Variants in SEPTIN12 observed in about 807,000 individuals in gnomAD.
SEPTIN12 encodes septin 12.
A neutral mutation model predicts 37.7 loss-of-function variants in SEPTIN12; 42 were observed. The observed-to-expected ratio is 1.11, with a 90% CI of 0.87 to 1.44. SEPTIN12 has a LOEUF of 1.44. SEPTIN12 is among the 40% of genes most tolerant of loss of function. The pLI, the probability that SEPTIN12 is intolerant of heterozygous loss-of-function variation, is 0.00. For synonymous variants in SEPTIN12, 254 were observed against 196.7 expected (o/e 1.29, Z -2.44); for missense variants, 613 against 479.2 (o/e 1.28, Z -2.61).
At chr16:4,789,516 C>G (rs868557347), upstream of SEPTIN12, among the ~76,000 whole-genome samples, 12 of 151,998 alleles carry the variant, frequency 7.9e-5, no homozygotes, top group African/African-American at 2.9e-4. Context: ...TTAGTAGAGA[C>G]TGGTTTTCCC....
In SEPTIN12 at chr16:4,783,544, A is replaced by T; in HGVS notation, c.644T>A (p.Leu215Gln). The change falls in exon 7 of 10, where the codon CTG becomes CAG. Residue 215 changes from leucine (L) to glutamine (Q), a missense_variant. Physicochemically the swap from Leu to Gln is moderately radical, Grantham distance 113 (BLOSUM62 -2). Transcript: ENST00000268231. ...GTAGACGTCGATGCAGTGGGTCCTC[A>T]GGTTCTGCTGGATCTGGAGATCCCA... is the stretch of plus-strand genomic sequence containing the variant. The part of the protein sequence containing the change: ...EAFRRRIQQN[L>Q]RTHCIDVYPQ... 6.2e-7 allele frequency: 1 copy of T among 1,614,068 alleles called. No homozygotes were observed. Among genetic ancestry groups the T allele is most frequent in the Non-Finnish European group, 8.5e-7 (1 of 1,179,976 alleles).
At chr16:4,791,378 A>G (rs949721084), upstream of SEPTIN12, among the ~76,000 whole-genome samples, 1 of 152,244 alleles carries the variant, frequency 6.6e-6, no homozygotes, top group Non-Finnish European at 1.5e-5. Context: ...CACGGCGATA[A>G]TAGCACAGGG....
At chr16:4,786,564 C>T (rs150601240) in intron 2 of SEPTIN12, among the ~76,000 whole-genome samples, 2,338 of 151,802 alleles carry the variant, frequency 0.015, 55 homozygotes, top group African/African-American at 0.053. Context: ...ACCATGTTAG[C>T]CAGGATGGTC....
chr16:4,784,512 G>A (rs552415754), intron 4 of SEPTIN12, among the ~76,000 whole-genome samples: 8 of 151,176 alleles, frequency 5.3e-5, no homozygotes, highest in Non-Finnish European at 8.9e-5. Flanking sequence ...GCTCATGCCT[G>A]TAATCCCAGC....
intron 4 of SEPTIN12, among the ~76,000 whole-genome samples, chr16:4,784,497 C>G (rs1484892458): frequency 1.3e-5 from 2 of 148,502 alleles, no homozygotes; most frequent in Admixed American, 6.8e-5. Flanking sequence ...AGGCCAGGCC[C>G]GATGGCTCAT....
intron 4 of SEPTIN12, among the ~76,000 whole-genome samples, chr16:4,785,045 G>C (rs1163285623): frequency 6.6e-6 from 1 of 152,020 alleles, no homozygotes; most frequent in Non-Finnish European, 1.5e-5. Context: ...TCAGGAGTTT[G>C]AGACCAGCCT....
chr16:4,777,830 C>T lies in SEPTIN12; in HGVS notation c.1044G>A (p.Arg348=), dbSNP rs925339176. The change falls in exon 10 of 10, where the codon AGG becomes AGA. Residue 348 remains arginine, a synonymous_variant. Coordinates refer to ENST00000268231, the MANE Select transcript of SEPTIN12 (RefSeq NM_144605.5). ...CATCATCAGAATCGTCATGGGCCCC[C>T]CTGCAGACCTTGAAGGTCCGGGGGG... is the stretch of plus-strand genomic sequence containing the variant. ...LTTPRTFKVC[R]GAHDDSDDEF The T allele has an allele frequency of 6.3e-7, 1 of 1,585,770 alleles. No individual in the cohort carries two copies. The highest frequency in any genetic ancestry group is 8.6e-7 in the Non-Finnish European group (1 of 1,166,894).
chr16:4,787,832 G>A, intron 1 of SEPTIN12, 165 bp from the exon 2 acceptor site: 1 of 583,636 alleles, frequency 1.7e-6, no homozygotes, highest in Non-Finnish European at 3.1e-6. Context: ...GTGTGGCAAG[G>A]GTGCCTGTGG....
At position 4,784,021 on chromosome 16, in the gene SEPTIN12, A is replaced by T. The variant is rs775797856; in HGVS notation, c.422T>A (p.Leu141Gln). 2 of 1,614,176 alleles carry T rather than the reference A, an allele frequency of 1.2e-6. No individual in the cohort carries two copies. Among genetic ancestry groups the T allele is most frequent in the African/African-American group, 2.7e-5 (2 of 75,038 alleles). The change falls in exon 5 of 10, where the codon CTG becomes CAG. Residue 141 changes from leucine (L) to glutamine (Q), a missense_variant. By Grantham distance (113) the Leu-to-Gln change is moderately radical (BLOSUM62 -2). Transcript: ENST00000268231. ...GCGGGTGATGAGGATCTCCTCCTGC[A>T]GGTACTGCTCGTATTGCTCGTTGAT... ...GYINEQYEQY[L>Q]QEEILITRQR...
At position 4,783,769 on chromosome 16, in the gene SEPTIN12, G is replaced by A; in HGVS notation, c.513-3C>T. 2 of 1,613,480 alleles carry A rather than the reference G, an allele frequency of 1.2e-6. No individual in the cohort carries two copies. The highest frequency in any genetic ancestry group is 1.7e-6 in the Non-Finnish European group (2 of 1,179,670). On this transcript the variant is annotated splice_region_variant and splice_polypyrimidine_tract_variant and intron_variant, in intron 5 of 9. Coordinates refer to ENST00000268231, the MANE Select transcript of SEPTIN12 (RefSeq NM_144605.5). The stretch of plus-strand genomic sequence containing the variant: ...ACTCAATGTCCAGGGGCCGCAGGCT[G>A]CCGGAGGCAGGGCAGTGATGGGGGT...
At position 4,787,637 on chromosome 16, in the gene SEPTIN12, G is replaced by C; in HGVS notation, c.9C>G (p.Pro3=). ...GGCAGGGAGAGGGGGAGCGCCTCAG[G>C]GGGTCCATGGGGGCCAAGGGTTCGA... MD[P]LRRSPSPCLS... The change falls in exon 2 of 10, where the codon CCC becomes CCG. Residue 3 remains proline, a synonymous_variant. Transcript: ENST00000268231. 1 of 1,576,552 alleles carries C rather than the reference G, an allele frequency of 6.3e-7. No homozygotes were observed. Among genetic ancestry groups the C allele is most frequent in the Non-Finnish European group, 8.6e-7 (1 of 1,161,566 alleles).
At chr16:4,784,568 G>A (rs550350570) in intron 4 of SEPTIN12, among the ~76,000 whole-genome samples, 24 of 151,894 alleles carry the variant, frequency 1.6e-4, no homozygotes, top group Admixed American at 6.6e-4. Context: ...CCAGGAATTC[G>A]AGGCTAGCCT....
At chr16:4,782,131 G>T (rs1033815944) in intron 7 of SEPTIN12, among the ~76,000 whole-genome samples, 1 of 151,262 alleles carries the variant, frequency 6.6e-6, no homozygotes, top group Non-Finnish European at 1.5e-5. Context: ...TGTATTTTTA[G>T]TAGAGACAGA....
rs1360767548 is a variant in SEPTIN12 at position 4,777,819 on chromosome 16, T to C, written c.1055A>G (p.Asp352Gly). The change falls in exon 10 of 10, where the codon GAC becomes GGC. Residue 352 changes from aspartate (D) to glycine (G), a missense_variant. Transcript: ENST00000268231. Reference sequence around the variant, plus strand: ...TGGTCAGAACTCATCATCAGAATCGTCATGGGCCCCCCTGCAGACCTTGAA... The same window carrying C: ...TGGTCAGAACTCATCATCAGAATCGCCATGGGCCCCCCTGCAGACCTTGAA... ...RTFKVCRGAH[D>G]DSDDEF is the part of the protein sequence containing the mutation. The C allele has an allele frequency of 1.3e-6, 2 of 1,574,266 alleles. No homozygotes were observed. The highest frequency in any genetic ancestry group is 1.7e-6 in the Non-Finnish European group (2 of 1,161,102).
chr16:4,787,390 G>A (rs778469617), intron 2 of SEPTIN12, 90 bp downstream of exon 2: 32 of 1,161,978 alleles, frequency 2.8e-5, no homozygotes, highest in Non-Finnish European at 4.0e-5. Context: ...GAGATGGGGA[G>A]GGGCGACAGG....
chr16:4,777,719 A>G lies in SEPTIN12; in HGVS notation c.*78T>C, dbSNP rs987677421. ...ATAAAAAGCAAGGCTCACATTTAAT[A>G]GATGCTCTGGTACATAGGTGTGTGT... On this transcript the variant is annotated 3_prime_UTR_variant, in exon 10 of 10. Transcript: ENST00000268231. The G allele has an allele frequency of 1.5e-5, 16 of 1,049,960 alleles. No individual in the cohort carries two copies. Among genetic ancestry groups the G allele is most frequent in the Non-Finnish European group, 2.2e-5 (16 of 736,530 alleles). 65.0% of individuals were successfully genotyped at this position (1,049,960 alleles called of 1,614,324 possible).
In SEPTIN12 at chr16:4,787,651, C is replaced by T. The variant is rs1248059625; in HGVS notation, c.-6G>A. On this transcript the variant is annotated 5_prime_UTR_variant, in exon 2 of 10. Transcript: ENST00000268231. Reference sequence around the variant, plus strand: ...GAGCGCCTCAGGGGGTCCATGGGGGCCAAGGGTTCGAGATGCCTGTCACCA... The same window carrying T: ...GAGCGCCTCAGGGGGTCCATGGGGGTCAAGGGTTCGAGATGCCTGTCACCA... 2 of 1,551,774 alleles carry T rather than the reference C, an allele frequency of 1.3e-6. No individual in the cohort carries two copies. Among genetic ancestry groups the T allele is most frequent in the African/African-American group, 2.7e-5 (2 of 74,258 alleles).
rs757405227 is a variant in SEPTIN12 at position 4,787,626 on chromosome 16, G to A, written c.20C>T (p.Ser7Phe). 1.3e-6 allele frequency: 2 copies of A among 1,596,182 alleles called. No individual in the cohort carries two copies. Among genetic ancestry groups the A allele is most frequent in the African/African-American group, 1.3e-5 (1 of 74,974 alleles). MDPLRR[S>F]PSPCLSSQPS... The stretch of plus-strand genomic sequence containing the variant: ...CTGCGAGGACAGGCAGGGAGAGGGG[G>A]AGCGCCTCAGGGGGTCCATGGGGGC... Residue 7 changes from serine (S) to phenylalanine (F), a missense_variant, in exon 2 of 10, where the codon TCC (serine) becomes TTC (phenylalanine). Ser to Phe is a radical substitution (Grantham distance 155, BLOSUM62 -2). Coordinates refer to ENST00000268231, the MANE Select transcript of SEPTIN12 (RefSeq NM_144605.5).
At chr16:4,781,335 G>C (rs2082369536) in intron 7 of SEPTIN12, among the ~76,000 whole-genome samples, 1 of 151,670 alleles carries the variant, frequency 6.6e-6, no homozygotes, top group Admixed American at 6.6e-5. Flanking sequence ...ACGGTACGGG[G>C]GTTTTTAGTA....
Sources: gnomAD v4.1 joint callset for allele counts (sites outside exome capture counted in the v4.1 genomes callset) on GRCh38, gnomAD v4.1.1 for gene constraint, MANE v1.5 for transcripts, NCBI Gene and HGNC (gene_info 2026-07-23, HGNC 2026-07-21) for gene names.